Variants in SLC24A2 observed in about 807,000 individuals in gnomAD.
SLC24A2 encodes the protein sodium/potassium/calcium exchanger 2.
A neutral mutation model predicts 62.0 loss-of-function variants in SLC24A2; 36 were observed. That is an observed-to-expected ratio of 0.58 (90% CI 0.44 to 0.77). SLC24A2 has a LOEUF of 0.77. Among genes scored for constraint, SLC24A2 ranks in the 30% least tolerant of loss-of-function variants. The pLI, the probability that SLC24A2 is intolerant of heterozygous loss-of-function variation, is 0.00. For missense variants in SLC24A2, 846 were observed against 817.9 expected, an observed-to-expected ratio of 1.03 and a Z score of -0.42; for synonymous variants, 358 against 294.0, an observed-to-expected ratio of 1.22 and a Z score of -2.23.
At chr9:20,197,829 G>C in the SLC24A2 span, among the ~76,000 whole-genome samples, 1 of 152,052 alleles carries the variant, frequency 6.6e-6, no homozygotes, top group Admixed American at 6.6e-5. Flanking sequence ...AAGCAGGATT[G>C]GTTCAAAGAG....
At chr9:19,945,594 T>C in the SLC24A2 span, among the ~76,000 whole-genome samples, 3 of 152,166 alleles carry the variant, frequency 2.0e-5, no homozygotes, top group Non-Finnish European at 4.4e-5. Context: ...GCTTAGTAAA[T>C]GCCAGACACT....
chr9:19,968,440 C>G, the SLC24A2 span, among the ~76,000 whole-genome samples: 1 of 152,160 alleles, frequency 6.6e-6, no homozygotes, highest in Admixed American at 6.5e-5. Context: ...ATTACAATTT[C>G]CATTTTATAG....
chr9:19,518,589 T>G (rs919748604), intron 10 of SLC24A2, among the ~76,000 whole-genome samples: 1 of 152,048 alleles, frequency 6.6e-6, no homozygotes, highest in African/African-American at 2.4e-5. Flanking sequence ...TCGTAGATAA[T>G]TTTTGTATTT....
chr9:19,796,201 A>G, the SLC24A2 span, among the ~76,000 whole-genome samples: 1 of 151,876 alleles, frequency 6.6e-6, no homozygotes, highest in Non-Finnish European at 1.5e-5. Context: ...CAGCACACCA[A>G]CATGGCACAT....
chr9:19,850,998 TATACACATACATATATATATATATACA>T, the SLC24A2 span, among the ~76,000 whole-genome samples: 21 of 48,864 alleles, frequency 4.3e-4, 1 homozygote, highest in African/African-American at 5.5e-4. Flanking sequence ...TATATATATA[TATACACATACATATATATATATATACA>T]TATTTTTTTT....
At chr9:20,143,012 A>G in the SLC24A2 span, among the ~76,000 whole-genome samples, 100 of 152,344 alleles carry the variant, frequency 6.6e-4, 1 homozygote, top group Middle Eastern at 6.8e-3. Context: ...AGATATGACT[A>G]TACACATTTT....
At chr9:19,582,362 T>C (rs1041517811) in intron 5 of SLC24A2, among the ~76,000 whole-genome samples, 2 of 152,152 alleles carry the variant, frequency 1.3e-5, no homozygotes, top group African/African-American at 4.8e-5. Flanking sequence ...ACCAAGTCTA[T>C]AATAGGCAGG....
At chr9:20,053,299 A>G in the SLC24A2 span, among the ~76,000 whole-genome samples, 14 of 152,266 alleles carry the variant, frequency 9.2e-5, no homozygotes, top group East Asian at 2.3e-3. Context: ...TTGGAGGGCT[A>G]TATAACCAGA....
chr9:20,097,983 T>C, the SLC24A2 span, among the ~76,000 whole-genome samples: 7 of 151,722 alleles, frequency 4.6e-5, no homozygotes, highest in East Asian at 7.8e-4. Flanking sequence ...ACCTCGTGAT[T>C]CGCCCGCCTC....
intron 8 of SLC24A2, among the ~76,000 whole-genome samples, chr9:19,529,134 T>G (rs1162981263): frequency 1.3e-5 from 2 of 151,834 alleles, no homozygotes; most frequent in African/African-American, 4.9e-5. Flanking sequence ...GCCAAACACT[T>G]TATTTGAAAG....
intron 2 of SLC24A2, among the ~76,000 whole-genome samples, chr9:19,770,634 A>C (rs890151744): frequency 2.0e-5 from 3 of 152,216 alleles, no homozygotes; most frequent in Non-Finnish European, 4.4e-5. Context: ...AGAAAATTGG[A>C]AACAGATAAA....
At chr9:19,864,407 C>T in the SLC24A2 span, among the ~76,000 whole-genome samples, 1 of 151,814 alleles carries the variant, frequency 6.6e-6, no homozygotes, top group African/African-American at 2.4e-5. Flanking sequence ...ACAAACACTA[C>T]AGGTCAATGT....
intron 9 of SLC24A2, among the ~76,000 whole-genome samples, chr9:19,522,763 C>G (rs770988779): frequency 2.0e-4 from 30 of 152,124 alleles, no homozygotes; most frequent in Non-Finnish European, 3.5e-4. Context: ...GCTGAGTAAG[C>G]AAATCAATCT....
chr9:19,683,023 C>T (rs1191853216), intron 2 of SLC24A2, among the ~76,000 whole-genome samples: 1 of 151,726 alleles, frequency 6.6e-6, no homozygotes, highest in Non-Finnish European at 1.5e-5. Context: ...AGCTAGGGAC[C>T]CACCGTGAAA....
chr9:19,634,302 T>TTC (rs1294017138), intron 2 of SLC24A2, among the ~76,000 whole-genome samples: 1 of 149,406 alleles, frequency 6.7e-6, no homozygotes, highest in Non-Finnish European at 1.5e-5. Context: ...TTTTTTTTTT[T>TTC]TTTGAGACAG....
the SLC24A2 span, among the ~76,000 whole-genome samples, chr9:19,979,717 A>G: frequency 5.6e-3 from 847 of 152,300 alleles, 4 homozygotes; most frequent in Admixed American, 9.3e-3. Flanking sequence ...GATGATCCCA[A>G]TATCCTAAGG....
chr9:20,175,432 A>G, the SLC24A2 span, among the ~76,000 whole-genome samples: 3 of 152,220 alleles, frequency 2.0e-5, no homozygotes, highest in Admixed American at 6.5e-5. Flanking sequence ...GAATGGTGAT[A>G]GTTATACAAC....
chr9:19,695,749 A>C (rs954263249), intron 2 of SLC24A2, among the ~76,000 whole-genome samples: 1 of 151,566 alleles, frequency 6.6e-6, no homozygotes, highest in Non-Finnish European at 1.5e-5. Context: ...GGATAGATTA[A>C]TTATAGACTA....
At chr9:19,839,953 A>G in the SLC24A2 span, among the ~76,000 whole-genome samples, 1 of 152,200 alleles carries the variant, frequency 6.6e-6, no homozygotes, top group African/African-American at 2.4e-5. Flanking sequence ...GTGGTAAGCT[A>G]TATCATCCAG....
Sources: gnomAD v4.1 joint callset for allele counts (sites outside exome capture counted in the v4.1 genomes callset) on GRCh38, gnomAD v4.1.1 for gene constraint, MANE v1.5 for transcripts, NCBI Gene and HGNC (gene_info 2026-07-23, HGNC 2026-07-21) for gene names.